The following SYMPK variants were observed in gnomAD, a reference collection of about 807,000 sequenced individuals.
SYMPK encodes symplekin.
Under a neutral mutation model 136.4 loss-of-function variants are expected in SYMPK, and 49 were observed. The ratio of observed to expected loss-of-function variants is 0.36; its 90% CI spans 0.29 to 0.46. The LOEUF (loss-of-function observed/expected upper bound fraction) is 0.46. Ranked by LOEUF, SYMPK falls within the 20% of genes least tolerant of loss-of-function variation. The pLI is 1.00. For synonymous variants in SYMPK, 766 were observed against 713.0 expected (o/e 1.07, Z -1.19); for missense variants, 1,365 against 1,690.0 (o/e 0.81, Z 3.37).
chr19:45,845,115 C>CT (rs35540632), intron 7 of SYMPK, among the ~76,000 whole-genome samples: 22,317 of 147,066 alleles, frequency 0.15, 2,412 homozygotes, highest in East Asian at 0.34. Context: ...AATACTGGAT[C>CT]TTTTTTTTTT....
At chr19:45,859,924 C>A (rs1600539394) in intron 1 of SYMPK, among the ~76,000 whole-genome samples, 2 of 144,520 alleles carry the variant, frequency 1.4e-5, no homozygotes, top group Non-Finnish European at 3.0e-5. Context: ...CACTGCTCTC[C>A]AGCCTGGGAG....
Position 45,838,854 on chromosome 19 carries a change from C to A in SYMPK, c.1088-239G>T, listed in dbSNP as rs140971977. On this transcript the variant is annotated intron_variant, in intron 9 of 26. Coordinates refer to ENST00000245934, the MANE Select transcript of SYMPK (RefSeq NM_004819.3). The stretch of plus-strand genomic sequence containing the variant: ...ATCTGGGAAATGGGAGTAAGCCACA[C>A]CCCTGCAGCTTATCATAAGCTCTAA... 2.2e-3 allele frequency among the ~76,000 whole-genome samples: 332 copies of A among 152,270 alleles called. 1 individual carries two copies. The highest frequency in any genetic ancestry group is 7.3e-3 in the African/African-American group (303 of 41,544).
At chr19:45,855,752 T>A (rs1279050033) in intron 1 of SYMPK, 1 of 152,028 alleles carries the variant, frequency 6.6e-6, no homozygotes, top group African/African-American at 2.4e-5. Context: ...TCCCAACACT[T>A]TGGGAGGCTG....
At chr19:45,820,144 G>C (rs1970854515) in intron 22 of SYMPK, 1 of 152,288 alleles carries the variant, frequency 6.6e-6, no homozygotes, top group South Asian at 2.1e-4. Context: ...GATCCTCAGG[G>C]CTTCTAATCT....
Position 45,825,312 on chromosome 19 carries a change from C to T in SYMPK, c.2349G>A (p.Thr783=), listed in dbSNP as rs546155235. ...ACAGACACTGCTTCACTGTCTCCTC[C>T]GTCCAGGGTGCTGCCACCTCTGACA... The part of the protein sequence containing the change: ...DKDTEVAAPW[T]EETVKQCLYL... The change falls in exon 18 of 27, where the codon ACG becomes ACA. Residue 783 remains threonine (T), a synonymous_variant. Transcript: ENST00000245934. 8.7e-6 allele frequency: 14 copies of T among 1,613,866 alleles called. No homozygotes were observed. The highest frequency in any genetic ancestry group is 1.7e-4 in the Middle Eastern group (1 of 6,056).
intron 10 of SYMPK, among the ~76,000 whole-genome samples, chr19:45,836,036 A>G (rs1377907743): frequency 6.6e-6 from 1 of 152,174 alleles, no homozygotes; most frequent in Non-Finnish European, 1.5e-5. Flanking sequence ...AACAGAGAAC[A>G]TCCATGGATG....
Position 45,821,272 on chromosome 19 carries a change from T to TGTGA in SYMPK, c.2893+108_2893+111dup. The stretch of plus-strand genomic sequence containing the variant: ...GCTCTCCAGAGCTCTGAGGTGGGGC[T>TGTGA]GTGAGTGACAGTCTTTGACTTGGCA... On this transcript the variant is annotated intron_variant, in intron 22 of 26. Coordinates refer to ENST00000245934, the MANE Select transcript of SYMPK (RefSeq NM_004819.3). The surrounding 1 kb of genome is among the most constrained non-coding windows in gnomAD (Gnocchi z 4.4). The TGTGA allele has an allele frequency of 2.4e-6, 2 of 825,692 alleles. No individual in the cohort carries two copies. Among genetic ancestry groups the TGTGA allele is most frequent in the Non-Finnish European group, 4.2e-6 (2 of 480,384 alleles). The allele number at this position is 825,692 out of a possible 1,614,324, so 51.1% of individuals were successfully genotyped here. A position where few individuals can be genotyped will look rare whatever the true frequency, so the allele number is the denominator to read the frequency against.
chr19:45,824,040 G>A, intron 18 of SYMPK, 165 bp from the exon 19 acceptor site: 2 of 492,672 alleles, frequency 4.1e-6, no homozygotes, highest in South Asian at 2.0e-5. Flanking sequence ...AGAGTCAGAA[G>A]AACCTTGGCA....
intron 1 of SYMPK, among the ~76,000 whole-genome samples, chr19:45,862,852 G>A (rs934554848): frequency 6.6e-6 from 1 of 152,226 alleles, no homozygotes; most frequent in African/African-American, 2.4e-5. Context: ...CGAGGTCTGC[G>A]GGGCGGTGGC....
intron 10 of SYMPK, 33 bp from the exon 11 acceptor site, chr19:45,835,261 A>T (rs1015044195): frequency 6.5e-7 from 1 of 1,537,606 alleles, no homozygotes. Context: ...GCCTCTCCTT[A>T]ATCATTAACT....
chr19:45,859,388 A>G (rs1971908319), intron 1 of SYMPK, among the ~76,000 whole-genome samples: 1 of 151,672 alleles, frequency 6.6e-6, no homozygotes, highest in Non-Finnish European at 1.5e-5. Flanking sequence ...ACTTGAGGCC[A>G]GGAGTTCAAG....
chr19:45,841,156 G>T (rs1971425417), intron 9 of SYMPK, among the ~76,000 whole-genome samples: 2 of 151,928 alleles, frequency 1.3e-5, no homozygotes, highest in African/African-American at 4.8e-5. Context: ...GCTAATTTTT[G>T]TATTTTTAGT....
At chr19:45,844,338 T>A in intron 7 of SYMPK, 138 bp from the exon 8 acceptor site, 1 of 644,490 alleles carries the variant, frequency 1.6e-6, no homozygotes, top group Non-Finnish European at 2.5e-6. Context: ...GAAAATGTGG[T>A]GGTTGATTAG....
intron 1 of SYMPK, among the ~76,000 whole-genome samples, chr19:45,860,299 T>C (rs938735986): frequency 2.1e-5 from 3 of 141,596 alleles, no homozygotes; most frequent in Non-Finnish European, 4.7e-5. Context: ...CTACTAAAAA[T>C]ACAAAAAAAT....
chr19:45,862,530 G>A (rs903049714), intron 1 of SYMPK: 2 of 152,442 alleles, frequency 1.3e-5, no homozygotes, highest in African/African-American at 2.4e-5. Flanking sequence ...ACAGCACACA[G>A]ATAAGAGTCG....
At chr19:45,859,758 A>G (rs1419287110) in intron 1 of SYMPK, among the ~76,000 whole-genome samples, 1 of 151,846 alleles carries the variant, frequency 6.6e-6, no homozygotes, top group South Asian at 2.1e-4. Context: ...ACTAAAAAAG[A>G]AGGCCAGGTG....
rs752580539 is a variant in SYMPK, at chr19:45,826,371, C to T, written c.2184G>A (p.Val728=). Residue 728 remains valine (V), a splice_region_variant and synonymous_variant, in exon 17 of 27, where the codon GTG becomes GTA. Coordinates refer to ENST00000245934, the MANE Select transcript of SYMPK (RefSeq NM_004819.3). ...TGATGAACAGCAGGGCCTGGGAGCG[C>T]ACCTGAGGAGGAAGATGGAGAAGGG... ...LDLSSHEKDK[V]RSQALLFIKR... 6 of 1,614,058 alleles carry T rather than the reference C, an allele frequency of 3.7e-6. No individual in the cohort carries two copies. Among genetic ancestry groups the T allele is most frequent in the Non-Finnish European group, 5.1e-6 (6 of 1,180,012 alleles).
intron 22 of SYMPK, chr19:45,820,217 A>G (rs901442539): frequency 1.3e-5 from 2 of 152,256 alleles, no homozygotes; most frequent in African/African-American, 4.8e-5. Context: ...CTGTATGCAA[A>G]TAATATGAGC....
chr19:45,828,052 G>T, intron 14 of SYMPK, 134 bp from the exon 15 acceptor site: 1 of 732,548 alleles, frequency 1.4e-6, no homozygotes, highest in Non-Finnish European at 2.3e-6. Context: ...TGCTTATAAA[G>T]CTTTGGAGGT....
Sources: allele counts gnomAD v4.1 joint callset (sites outside exome capture counted in the v4.1 genomes callset), GRCh38; gene constraint gnomAD v4.1.1; non-coding constraint Gnocchi (gnomAD v3.1); transcripts MANE v1.5; gene names NCBI Gene and HGNC (gene_info 2026-07-23, HGNC 2026-07-21).